The following CTRB2 variants were observed in gnomAD, a reference collection of about 807,000 sequenced individuals.
The protein encoded by CTRB2 is chymotrypsin B2.
A neutral mutation model predicts 19.3 loss-of-function variants in CTRB2; 9 were observed. The ratio of observed to expected loss-of-function variants is 0.47; its 90% confidence interval spans 0.28 to 0.81. CTRB2 has a LOEUF of 0.81. Ranked by LOEUF, CTRB2 falls within the 40% of genes least tolerant of loss-of-function variation. The pLI is 0.11. For synonymous variants in CTRB2, 98 were observed against 117.3 expected, an observed-to-expected ratio of 0.84 and a Z score of 1.06; for missense variants, 210 against 269.7, an observed-to-expected ratio of 0.78 and a Z score of 1.55.
Position 75,204,185 on chromosome 16 carries a change from C to A in CTRB2, c.768G>T (p.Val256=), listed in dbSNP as rs1221202705. 4.3e-6 allele frequency: 7 copies of A among 1,613,996 alleles called. No individual in the cohort carries two copies. In the African/African-American group the frequency reaches 9.3e-5, roughly 22 times the overall value. ...CTCAGTTGGCGGCCAGGATCTTCTGCACCCAGGGTATGAGCTTGGCGACAC... is the reference window on the plus strand; with the variant it reads ...CTCAGTTGGCGGCCAGGATCTTCTGAACCCAGGGTATGAGCTTGGCGACAC... ...YARVAKLIPW[V]QKILAAN The change falls in exon 7 of 7, where the codon GTG becomes GTT. Residue 256 remains valine (V), a synonymous_variant. Coordinates refer to ENST00000303037, the MANE Select transcript of CTRB2 (RefSeq NM_001025200.4).
chr16:75,204,174 A>G lies in CTRB2; in HGVS notation c.779T>C (p.Leu260Pro). Residue 260 changes from leucine (L) to proline (P), a missense_variant, in exon 7 of 7, where the codon CTG becomes CCG. By Grantham distance (98) the Leu-to-Pro change is moderately conservative (BLOSUM62 -3). Around this residue, in one of 4 missense-constraint regions of CTRB2, gnomAD observed 120 missense variants for 90.8 expected, o/e 1.32. Transcript: ENST00000303037. ...GGAGCTGCGGGCTCAGTTGGCGGCC[A>G]GGATCTTCTGCACCCAGGGTATGAG... ...AKLIPWVQKI[L>P]AAN is the part of the protein sequence containing the mutation. The G allele has an allele frequency of 6.2e-7, 1 of 1,614,150 alleles. No individual in the cohort carries two copies.
chr16:75,206,336 C>G (rs1347385395), intron 1 of CTRB2, 143 bp from the exon 2 acceptor site: 4 of 826,170 alleles, frequency 4.8e-6, no homozygotes, highest in Non-Finnish European at 7.4e-6. Flanking sequence ...GGCCCTGGCT[C>G]TCCTCTCCGC....
rs369340318 is a variant in CTRB2, at chr16:75,204,341, G to A, written c.631-19C>T. On this transcript the variant is annotated intron_variant, in intron 6 of 6. Transcript: ENST00000303037. ...AGTCACCCTGCAGGAAGGAGAGGAA[G>A]TATCTCTAGGCCTGAAAGGGGTGCC... The A allele has an allele frequency of 2.4e-5, 38 of 1,613,038 alleles. 1 individual carries two copies. The highest frequency in any genetic ancestry group is 2.2e-5 in the East Asian group (1 of 44,862).
At position 75,204,317 on chromosome 16, in the gene CTRB2, G is replaced by C; in HGVS notation, c.636C>G (p.Asp212Glu). Residue 212 changes from aspartate to glutamate, a missense_variant, in exon 7 of 7, where the codon GAC becomes GAG. This residue lies in a region of CTRB2 where 120 missense variants were observed against 90.8 expected (regional missense o/e 1.32). Transcript: ENST00000303037. Reference sequence around the variant, plus strand: ...TCTGGCAGACCAGGGGGCCTCCAGAGTCACCCTGCAGGAAGGAGAGGAAGT... The same window carrying C: ...TCTGGCAGACCAGGGGGCCTCCAGACTCACCCTGCAGGAAGGAGAGGAAGT... ...GASGVSSCMGDSGGPLVCQKD... is the reference protein window; with the variant it reads ...GASGVSSCMGESGGPLVCQKD... 1.2e-6 allele frequency: 2 copies of C among 1,613,970 alleles called. No homozygotes were observed. The highest frequency in any genetic ancestry group is 1.7e-6 in the Non-Finnish European group (2 of 1,179,984).
In CTRB2 at chr16:75,204,239, G is replaced by T; in HGVS notation, c.714C>A (p.Cys238Ter). Reference sequence around the variant, plus strand: ...CGTACACAGCGGGCGTGGTGGTAGAGCAGGTGCGGCTGCCCCAGGACACAA... The same window carrying T: ...CGTACACAGCGGGCGTGGTGGTAGATCAGGTGCGGCTGCCCCAGGACACAA... ...VGIVSWGSRT[C>*]STTTPAVYAR... The change falls in exon 7 of 7, where the codon TGC becomes TGA. Residue 238 changes from cysteine (C) to a stop codon, truncating the protein, a stop_gained. Coordinates refer to ENST00000303037, the MANE Select transcript of CTRB2 (RefSeq NM_001025200.4). LOFTEE classifies it low-confidence loss of function (END_TRUNC). The T allele has an allele frequency of 6.2e-7, 1 of 1,614,162 alleles. No homozygotes were observed. Among genetic ancestry groups the T allele is most frequent in the Non-Finnish European group, 8.5e-7 (1 of 1,180,004 alleles).
intron 6 of CTRB2, 169 bp downstream of exon 6, chr16:75,204,604 G>A: frequency 7.4e-7 from 1 of 1,352,646 alleles, no homozygotes; most frequent in Non-Finnish European, 1.0e-6. Flanking sequence ...GGCAGCCTCA[G>A]CTGCATGGCC....
In CTRB2 at chr16:75,204,625, C is replaced by T. The variant is rs1195960764; in HGVS notation, c.630+148G>A. On this transcript the variant is annotated intron_variant, in intron 6 of 6. Coordinates refer to ENST00000303037, the MANE Select transcript of CTRB2 (RefSeq NM_001025200.4). ...CTCAGCTGCATGGCCTGGAGGAACC[C>T]TCATGGGCGGCTGTGACCCCAAGGC... 6.8e-6 allele frequency: 10 copies of T among 1,468,354 alleles called. No homozygotes were observed. In the Admixed American group the frequency reaches 1.5e-4, roughly 22 times the overall value. 91.0% of individuals were successfully genotyped at this position (1,468,354 alleles called of 1,614,324 possible). A position where few individuals can be genotyped will look rare whatever the true frequency, so the allele number is the denominator to read the frequency against.
Position 75,204,913 on chromosome 16 carries a change from G to A in CTRB2, c.497-7C>T, listed in dbSNP as rs751180001. ...TTGTCAGGGGTCTTGTTGGCTGCAG[G>A]ACAGGAGGAGGGTCAGGGCCCCTGG... On this transcript the variant is annotated splice_polypyrimidine_tract_variant and splice_region_variant and intron_variant, in intron 5 of 6. Transcript: ENST00000303037. The A allele has an allele frequency of 1.1e-4, 114 of 1,001,764 alleles. 5 individuals are homozygous for A. The South Asian group carries it at 1.7e-3, about 15-fold the overall frequency. The allele number at this position is 1,001,764 out of a possible 1,614,324, so 62.1% of individuals were successfully genotyped here.
chr16:75,204,877 C>T lies in CTRB2; in HGVS notation c.526G>A (p.Ala176Thr). The change falls in exon 6 of 7, where the codon GCA (alanine) becomes ACA (threonine). Residue 176 changes from alanine to threonine, a missense_variant. Ala to Thr is a moderately conservative substitution (Grantham distance 58). Transcript: ENST00000303037. ...GCATTGGACAGGAGGGGCAGGGCTGCCTGCTGCAGCTTGTCAGGGGTCTTG... is the reference window on the plus strand; with the variant it reads ...GCATTGGACAGGAGGGGCAGGGCTGTCTGCTGCAGCTTGTCAGGGGTCTTG... ...ANKTPDKLQQ[A>T]ALPLLSNAEC... 1 of 1,170,460 alleles carries T rather than the reference C, an allele frequency of 8.5e-7. No individual in the cohort carries two copies. Among genetic ancestry groups the T allele is most frequent in the Non-Finnish European group, 1.2e-6 (1 of 833,296 alleles). 72.5% of individuals were successfully genotyped at this position (1,170,460 alleles called of 1,614,324 possible). A position where few individuals can be genotyped will look rare whatever the true frequency, so the allele number is the denominator to read the frequency against.
rs1228166432 is a variant in CTRB2 at position 75,204,648 on chromosome 16, G to C, written c.630+125C>G. Reference sequence around the variant, plus strand: ...CCCTCATGGGCGGCTGTGACCCCAAGGCCTGGCCCTCACTGGGCCCCAGGA... The same window carrying C: ...CCCTCATGGGCGGCTGTGACCCCAACGCCTGGCCCTCACTGGGCCCCAGGA... On this transcript the variant is annotated intron_variant, in intron 6 of 6. Transcript: ENST00000303037. 8 of 1,527,246 alleles carry C rather than the reference G, an allele frequency of 5.2e-6. No homozygotes were observed. The Admixed American group carries it at 1.4e-4, about 27-fold the overall frequency. The allele number at this position is 1,527,246 out of a possible 1,614,324, so 94.6% of individuals were successfully genotyped here.
intron 1 of CTRB2, 69 bp from the exon 2 acceptor site, chr16:75,206,262 C>G (rs2038890740): frequency 1.4e-6 from 2 of 1,458,158 alleles, no homozygotes; most frequent in South Asian, 1.3e-5. Flanking sequence ...CCTCCTCTCA[C>G]TCCCAACTCT....
intron 6 of CTRB2, 166 bp downstream of exon 6, chr16:75,204,607 G>T: frequency 3.7e-6 from 5 of 1,363,584 alleles, no homozygotes; most frequent in Non-Finnish European, 5.0e-6. Flanking sequence ...AGCCTCAGCT[G>T]CATGGCCTGG....
Position 75,204,142 on chromosome 16 carries a change from G to T in CTRB2, c.*19C>A, listed in dbSNP as rs370422301. 1 of 1,614,006 alleles carries T rather than the reference G, an allele frequency of 6.2e-7. No individual in the cohort carries two copies. Among genetic ancestry groups the T allele is most frequent in the Non-Finnish European group, 8.5e-7 (1 of 1,179,980 alleles). ...ATTTAATGGGAAATCTTAAGGCAGG[G>T]GTGGCAGGAGCTGCGGGCTCAGTTG... On this transcript the variant is annotated 3_prime_UTR_variant, in exon 7 of 7. Coordinates refer to ENST00000303037, the MANE Select transcript of CTRB2 (RefSeq NM_001025200.4).
intron 1 of CTRB2, chr16:75,206,872 G>A (rs149935681): frequency 0.031 from 16,966 of 555,588 alleles, 488 homozygotes; most frequent in Middle Eastern, 0.096. Context: ...GAAGGGGAGC[G>A]GGACTCCCCA....
In CTRB2 at chr16:75,205,734, C is replaced by T; in HGVS notation, c.315+8G>A. On this transcript the variant is annotated splice_region_variant and intron_variant, in intron 4 of 6. Transcript: ENST00000303037. ...GGCCCTGCCCTCTGCTGCACGGGGC[C>T]TGGGTACCTTGGCGATCTTCAGGAC... is the stretch of plus-strand genomic sequence containing the variant. The T allele has an allele frequency of 3.2e-6, 2 of 618,236 alleles. No homozygotes were observed. Among genetic ancestry groups the T allele is most frequent in the Admixed American group, 2.9e-5 (1 of 34,264 alleles). 38.3% of individuals were successfully genotyped at this position (618,236 alleles called of 1,614,324 possible).
In CTRB2 at chr16:75,204,355, G is replaced by A. The variant is rs76251204; in HGVS notation, c.631-33C>T. ...AAGGAGAGGAAGTATCTCTAGGCCT[G>A]AAAGGGGTGCCAGGGCCTAGGGGAC... On this transcript the variant is annotated intron_variant, in intron 6 of 6. Transcript: ENST00000303037. 393 of 1,609,078 alleles carry A rather than the reference G, an allele frequency of 2.4e-4. 9 individuals carry two copies. The East Asian group carries it at 8.7e-3, about 36-fold the overall frequency.
Position 75,206,650 on chromosome 16 carries a change from C to T in CTRB2, c.52+440G>A, listed in dbSNP as rs139614225. Reference sequence around the variant, plus strand: ...TGCGCCTGGCACCCGGGAAGTGCTCCGTGAGCAGGAGTTTAAGAGGGTGAG... The same window carrying T: ...TGCGCCTGGCACCCGGGAAGTGCTCTGTGAGCAGGAGTTTAAGAGGGTGAG... On this transcript the variant is annotated intron_variant, in intron 1 of 6. Transcript: ENST00000303037. 6.4e-3 allele frequency: 1,890 copies of T among 294,882 alleles called. 12 individuals are homozygous for T. Among genetic ancestry groups the T allele is most frequent in the Non-Finnish European group, 8.6e-3 (1,329 of 155,346 alleles). The allele number at this position is 294,882 out of a possible 1,614,324, so 18.3% of individuals were successfully genotyped here. A position where few individuals can be genotyped will look rare whatever the true frequency, so the allele number is the denominator to read the frequency against.
chr16:75,204,823 T>C lies in CTRB2; in HGVS notation c.580A>G (p.Ile194Val). Residue 194 changes from isoleucine (I) to valine (V), a missense_variant, in exon 6 of 7, where the codon ATC (isoleucine) becomes GTC (valine). This residue lies in a region of CTRB2 where 27 missense variants were observed against 42.5 expected (regional missense o/e 0.64). Transcript: ENST00000303037. ...AECKKSWGRR[I>V]TDVMICAGAS... ...CCGGCACAGATCATCACGTCGGTGA[T>C]CCTCCTGCCCCAGGACTTCTTGCAT... 7.1e-7 allele frequency: 1 copy of C among 1,403,802 alleles called. No individual in the cohort carries two copies. Among genetic ancestry groups the C allele is most frequent in the Admixed American group, 2.1e-5 (1 of 46,644 alleles). 87.0% of individuals were successfully genotyped at this position (1,403,802 alleles called of 1,614,324 possible).
At chr16:75,206,415 TG>T in intron 1 of CTRB2, 1 of 588,176 alleles carries the variant, frequency 1.7e-6, no homozygotes, top group Non-Finnish European at 3.0e-6. Flanking sequence ...AATGGGGTGT[TG>T]GCCCCACCTC....
Sources: allele counts gnomAD v4.1 joint callset, GRCh38; gene constraint gnomAD v4.1.1; regional missense constraint gnomAD v4.1.1; transcripts MANE v1.5; gene names NCBI Gene and HGNC (gene_info 2026-07-23, HGNC 2026-07-21).